Variants in RD3 observed in about 807,000 individuals in gnomAD.
RD3 encodes protein RD3.
In RD3, 11 loss-of-function variants were observed where a neutral mutation model predicts 16.9. The observed-to-expected ratio is 0.65, with a 90% CI of 0.41 to 1.08. RD3 has a LOEUF of 1.08. Among genes scored for constraint, RD3 ranks in the 50% least tolerant of loss-of-function variants. The pLI is 0.00. For missense variants in RD3, 274 were observed against 267.4 expected (o/e 1.02, Z -0.17); for synonymous variants, 116 against 114.8 (o/e 1.01, Z -0.07).
intron 1 of RD3, 114 bp from the exon 2 acceptor site, chr1:211,481,540 C>A: frequency 1.1e-6 from 1 of 938,664 alleles, no homozygotes. Context: ...AGAAGACCTG[C>A]TCTGCCCTAA....
At chr1:211,484,059 T>C (rs1705327567) in intron 1 of RD3, among the ~76,000 whole-genome samples, 1 of 152,152 alleles carries the variant, frequency 6.6e-6, no homozygotes, top group African/African-American at 2.4e-5. Flanking sequence ...TTTCTTGACC[T>C]TCCCATCTCC....
At chr1:211,487,334 C>T (rs1301067482) in intron 1 of RD3, among the ~76,000 whole-genome samples, 1 of 152,146 alleles carries the variant, frequency 6.6e-6, no homozygotes, top group Admixed American at 6.6e-5. Context: ...TATAAGCTTC[C>T]GAACCACAGT....
Position 211,481,247 on chromosome 1 carries a change from C to T in RD3, c.169G>A (p.Gly57Ser), listed in dbSNP as rs750239049. Residue 57 changes from glycine (G) to serine (S), a missense_variant, in exon 2 of 3, where the codon GGT becomes AGT. Physicochemically the swap from Gly to Ser is moderately conservative, Grantham distance 56. Coordinates refer to ENST00000680073, the MANE Select transcript of RD3 (RefSeq NM_001164688.2). Reference protein sequence around the residue: ...RSNAVRKVCTGVDYSWLASTP... With the variant: ...RSNAVRKVCTSVDYSWLASTP... ...CTGGCCAGCCAGCTGTAGTCCACAC[C>T]GGTGCAGACCTTTCTGACCGCATTG... The T allele has an allele frequency of 8.1e-6, 13 of 1,614,154 alleles. No homozygotes were observed. The highest frequency in any genetic ancestry group is 1.6e-4 in the Middle Eastern group (1 of 6,084).
At chr1:211,491,400 C>T (rs748386511) in intron 1 of RD3, among the ~76,000 whole-genome samples, 1 of 152,222 alleles carries the variant, frequency 6.6e-6, no homozygotes, top group Non-Finnish European at 1.5e-5. Flanking sequence ...CTTCCCCCTG[C>T]CTGTGTCCAC....
At chr1:211,484,077 A>G (rs1705327916) in intron 1 of RD3, among the ~76,000 whole-genome samples, 1 of 152,114 alleles carries the variant, frequency 6.6e-6, no homozygotes, top group Admixed American at 6.5e-5. Flanking sequence ...TCCGAGGTAG[A>G]TGTGGCCACT....
chr1:211,481,853 C>T (rs1368152398), intron 1 of RD3, among the ~76,000 whole-genome samples: 1 of 151,278 alleles, frequency 6.6e-6, no homozygotes, highest in Non-Finnish European at 1.5e-5. Flanking sequence ...AGAACAGATA[C>T]ATCCTATGTC....
At chr1:211,486,494 G>A (rs1032357552) in intron 1 of RD3, among the ~76,000 whole-genome samples, 6 of 146,040 alleles carry the variant, frequency 4.1e-5, no homozygotes, top group African/African-American at 1.3e-4. Context: ...GAGAGACTCC[G>A]ACTCAAACAA....
chr1:211,479,005 G>T lies in RD3; in HGVS notation c.*31C>A, dbSNP rs910107855. The T allele has an allele frequency of 1.3e-6, 2 of 1,565,806 alleles. No individual in the cohort carries two copies. The highest frequency in any genetic ancestry group is 1.3e-5 in the African/African-American group (1 of 74,266). ...CGGCCTATCATTCCCCCTGCAGAAG[G>T]CTCCGCTTCTGGGCAGGGAAGCGGC... On this transcript the variant is annotated 3_prime_UTR_variant, in exon 3 of 3. Coordinates refer to ENST00000680073, the MANE Select transcript of RD3 (RefSeq NM_001164688.2).
At chr1:211,486,619 C>G (rs539129252) in intron 1 of RD3, among the ~76,000 whole-genome samples, 83 of 151,096 alleles carry the variant, frequency 5.5e-4, no homozygotes, top group South Asian at 8.4e-4. Flanking sequence ...GAGGCCGGTG[C>G]AAGTGGATCA....
Position 211,478,039 on chromosome 1 carries a change from AG to A in RD3, c.*996del. 5.0e-6 allele frequency: 2 copies of A among 398,706 alleles called. No homozygotes were observed. Among genetic ancestry groups the A allele is most frequent in the East Asian group, 3.6e-5 (1 of 28,090 alleles). 24.7% of individuals were successfully genotyped at this position (398,706 alleles called of 1,614,324 possible). A position where few individuals can be genotyped will look rare whatever the true frequency, so the allele number is the denominator to read the frequency against. On this transcript the variant is annotated 3_prime_UTR_variant, in exon 3 of 3. Coordinates refer to ENST00000680073, the MANE Select transcript of RD3 (RefSeq NM_001164688.2). Reference sequence around the variant, plus strand: ...TCACTCAGCTGCCTCAAGGTCAGTCAGGGGTTTGGGCATCACTTTCTGGAGA... The same window carrying A: ...TCACTCAGCTGCCTCAAGGTCAGTCAGGGTTTGGGCATCACTTTCTGGAGA...
intron 1 of RD3, among the ~76,000 whole-genome samples, chr1:211,491,034 C>T (rs1263649002): frequency 6.6e-6 from 1 of 152,246 alleles, no homozygotes; most frequent in Non-Finnish European, 1.5e-5. Flanking sequence ...TGAATGGCAG[C>T]CAGTCCTTCC....
chr1:211,486,613 C>T (rs755238339), intron 1 of RD3, among the ~76,000 whole-genome samples: 1 of 152,054 alleles, frequency 6.6e-6, no homozygotes, highest in African/African-American at 2.4e-5. Context: ...CTTTGGGAGG[C>T]CGGTGCAAGT....
rs146908323 is a variant in RD3, at chr1:211,483,056, A to T, written c.-11-1630T>A. On this transcript the variant is annotated intron_variant, in intron 1 of 2. Transcript: ENST00000680073. Reference sequence around the variant, plus strand: ...TGTTAAGGTAAATAATCAGACACAAAGGAGAATATTATGATGGGGTAGCAG... The same window carrying T: ...TGTTAAGGTAAATAATCAGACACAATGGAGAATATTATGATGGGGTAGCAG... Among the ~76,000 whole-genome samples, 157 of 152,076 alleles carry T rather than the reference A, an allele frequency of 1.0e-3. 4 individuals carry two copies. Among genetic ancestry groups the T allele is most frequent in the African/African-American group, 3.2e-3 (133 of 41,324 alleles).
rs1705168083 is a variant in RD3, at chr1:211,477,466, A to AC, written c.*1569_*1570insG. ...GAGACTCAGTCTCAAAAAAAAAAAA[A>AC]AAAGTTTGGCAACCAAGTGAACTTT... On this transcript the variant is annotated 3_prime_UTR_variant, in exon 3 of 3. Coordinates refer to ENST00000680073, the MANE Select transcript of RD3 (RefSeq NM_001164688.2). The AC allele has an allele frequency of 6.6e-6, 1 of 152,078 alleles. No individual in the cohort carries two copies. The allele number at this position is 152,078 out of a possible 1,614,324, so 9.4% of individuals were successfully genotyped here.
rs11463656 is a variant in RD3, at chr1:211,491,956, A to AG, written c.-201_-200insC. 0.65 allele frequency: 98,866 copies of AG among 151,930 alleles called. 32,963 individuals carry two copies. The highest frequency in any genetic ancestry group is 0.93 in the East Asian group (4,806 of 5,172). 9.4% of individuals were successfully genotyped at this position (151,930 alleles called of 1,614,324 possible). On this transcript the variant is annotated 5_prime_UTR_variant, in exon 1 of 3. It removes the in-frame stop codon of an upstream open reading frame in the 5' UTR. Transcript: ENST00000680073. ...TCTCTGCTGCTGCCGGCTGGCCTCA[A>AG]ATTTTGCCTCTCTTTGGTTCTCTGA...
Position 211,483,074 on chromosome 1 carries a change from G to C in RD3, c.-11-1648C>G, listed in dbSNP as rs980034567. Among the ~76,000 whole-genome samples, 3 of 152,002 alleles carry C rather than the reference G, an allele frequency of 2.0e-5. No homozygotes were observed. In the South Asian group the frequency reaches 6.2e-4, roughly 32 times the overall value. Reference sequence around the variant, plus strand: ...GACACAAAGGAGAATATTATGATGGGGTAGCAGCAGCCTTCTGGAAGGCCA... The same window carrying C: ...GACACAAAGGAGAATATTATGATGGCGTAGCAGCAGCCTTCTGGAAGGCCA... On this transcript the variant is annotated intron_variant, in intron 1 of 2. Transcript: ENST00000680073.
chr1:211,480,847 G>A (rs1705243503), intron 2 of RD3, among the ~76,000 whole-genome samples: 1 of 152,158 alleles, frequency 6.6e-6, no homozygotes, highest in African/African-American at 2.4e-5. Flanking sequence ...TAACAATCTG[G>A]GCAGGAAGAA....
At position 211,478,853 on chromosome 1, in the gene RD3, T is replaced by C. The variant is rs892463293; in HGVS notation, c.*183A>G. 1 of 620,206 alleles carries C rather than the reference T, an allele frequency of 1.6e-6. No individual in the cohort carries two copies. The highest frequency in any genetic ancestry group is 2.8e-6 in the Non-Finnish European group (1 of 360,454). The allele number at this position is 620,206 out of a possible 1,614,324, so 38.4% of individuals were successfully genotyped here. The stretch of plus-strand genomic sequence containing the variant: ...CGCTCTACGACCTAACTCAGCTTTG[T>C]GGCCAGAGGAAGAGGATGGGGCAGG... On this transcript the variant is annotated 3_prime_UTR_variant, in exon 3 of 3. Transcript: ENST00000680073.
rs1370733832 is a variant in RD3, at chr1:211,478,315, C to G, written c.*721G>C. 1 of 397,050 alleles carries G rather than the reference C, an allele frequency of 2.5e-6. No homozygotes were observed. Among genetic ancestry groups the G allele is most frequent in the Non-Finnish European group, 4.4e-6 (1 of 225,692 alleles). 24.6% of individuals were successfully genotyped at this position (397,050 alleles called of 1,614,324 possible). A position where few individuals can be genotyped will look rare whatever the true frequency, so the allele number is the denominator to read the frequency against. On this transcript the variant is annotated 3_prime_UTR_variant, in exon 3 of 3. Transcript: ENST00000680073. ...CCAAGGTAAGAGATGGATCAGGCCA[C>G]AGGTAGGTAGAGATGTAGCCTTTGG...
Sources: gnomAD v4.1 joint callset for allele counts (sites outside exome capture counted in the v4.1 genomes callset) on GRCh38, gnomAD v4.1.1 for gene constraint, MANE v1.5 for transcripts, NCBI Gene and HGNC (gene_info 2026-07-23, HGNC 2026-07-21) for gene names.